Variants in GPKOW observed in about 807,000 individuals in gnomAD.
GPKOW encodes G-patch domain and KOW motifs-containing protein.
For missense variants in GPKOW, 359 were observed against 404.7 expected (o/e 0.89, Z 0.97); for synonymous variants, 167 against 159.1 (o/e 1.05, Z -0.37).
rs782650232 is a variant in GPKOW at position 49,122,783 on chromosome X, T to C, written c.177-7A>G. 9.1e-6 allele frequency: 11 copies of C among 1,202,342 alleles called. No homozygotes were observed. In the Admixed American group the frequency reaches 1.5e-4, roughly 17 times the overall value. Reference sequence around the variant, plus strand: ...GGCCTCCTGGGGCTTCACACTGATGTGGACACAGAGGGGTGGGGTTGGGAG... The same window carrying C: ...GGCCTCCTGGGGCTTCACACTGATGCGGACACAGAGGGGTGGGGTTGGGAG... On this transcript the variant is annotated splice_polypyrimidine_tract_variant and splice_region_variant and intron_variant, in intron 1 of 10. Coordinates refer to ENST00000156109, the MANE Select transcript of GPKOW (RefSeq NM_015698.6).
chrX:49,119,595 T>A (rs2065206432), intron 4 of GPKOW, 110 bp downstream of exon 4: 1 of 455,992 alleles, frequency 2.2e-6, no homozygotes, highest in Non-Finnish European at 3.8e-6. Flanking sequence ...GTTAGGGCGA[T>A]AATGTATCCT....
chrX:49,122,655 C>A lies in GPKOW; in HGVS notation c.298G>T (p.Val100Leu). The A allele has an allele frequency of 1.7e-6, 2 of 1,211,523 alleles. No individual in the cohort carries two copies. Among genetic ancestry groups the A allele is most frequent in the East Asian group, 5.9e-5 (2 of 33,872 alleles). The change falls in exon 2 of 11, where the codon GTG becomes TTG. Residue 100 changes from valine to leucine, a missense_variant. By Grantham distance (32) the Val-to-Leu change is conservative. Transcript: ENST00000156109. ...STDTGALADG[V>L]VSQAVKELIA... ...AGCTCCTTCACAGCCTGGGACACCA[C>A]CCCATCCGCCAAGGCCCCAGTATCT...
At chrX:49,122,132 C>G (rs148920873) in intron 3 of GPKOW, among the ~76,000 whole-genome samples, 220 of 112,456 alleles carry the variant, frequency 2.0e-3, no homozygotes, top group African/African-American at 6.3e-3. Flanking sequence ...TCCGCAAACA[C>G]TTTAGGCAGT....
At chrX:49,114,391 G>A (rs1269603506) in intron 9 of GPKOW, among the ~76,000 whole-genome samples, 3 of 107,262 alleles carry the variant, frequency 2.8e-5, no homozygotes, top group Non-Finnish European at 5.8e-5. Flanking sequence ...CACCCTCCTC[G>A]GTCTCCCAAA....
At chrX:49,122,600 A>G in intron 2 of GPKOW, 22 bp downstream of exon 2, 1 of 1,206,331 alleles carries the variant, frequency 8.3e-7, no homozygotes, top group Non-Finnish European at 1.1e-6. Flanking sequence ...TCAATGGGGA[A>G]GGGTAAAGGG....
chrX:49,114,790 T>C (rs1358343163), intron 9 of GPKOW, among the ~76,000 whole-genome samples: 4 of 105,143 alleles, frequency 3.8e-5, no homozygotes, highest in African/African-American at 1.4e-4. Context: ...CTGGGTGTGG[T>C]AGCGGGCACC....
In GPKOW at chrX:49,123,732, T is replaced by G; in HGVS notation, c.-10A>C. The G allele has an allele frequency of 1.7e-6, 2 of 1,192,135 alleles. No homozygotes were observed. The highest frequency in any genetic ancestry group is 2.3e-6 in the Non-Finnish European group (2 of 885,707). On this transcript the variant is annotated 5_prime_UTR_variant, in exon 1 of 11. Transcript: ENST00000156109. ...CTTTGGAGTCAGCCATCTTGCTCCTTTTCCCAGGCCGGCGCGCTGCTTGCT... is the reference window on the plus strand; with the variant it reads ...CTTTGGAGTCAGCCATCTTGCTCCTGTTCCCAGGCCGGCGCGCTGCTTGCT...
chrX:49,115,221 G>A (rs1411406210), intron 9 of GPKOW, among the ~76,000 whole-genome samples: 3 of 109,812 alleles, frequency 2.7e-5, no homozygotes, highest in East Asian at 2.9e-4. Context: ...TTGACAGACC[G>A]GAGGCCGAGC....
chrX:49,113,771 A>T lies in GPKOW; in HGVS notation c.1297-16T>A. The T allele has an allele frequency of 1.7e-6, 2 of 1,208,754 alleles. No individual in the cohort carries two copies. Among genetic ancestry groups the T allele is most frequent in the Non-Finnish European group, 2.2e-6 (2 of 893,750 alleles). On this transcript the variant is annotated splice_polypyrimidine_tract_variant and intron_variant, in intron 10 of 10. Transcript: ENST00000156109. ...AATGTCCCACCTGGAACAGAGGTGA[A>T]GTGGAATCAGCAAGGCAAGCCTAGA...
At chrX:49,121,744 C>T (rs1415030126) in intron 3 of GPKOW, among the ~76,000 whole-genome samples, 1 of 110,779 alleles carries the variant, frequency 9.0e-6, no homozygotes, top group Non-Finnish European at 1.9e-5. Context: ...TTTTCTACCA[C>T]TATGCCATTG....
chrX:49,114,315 T>G (rs12115881), intron 9 of GPKOW, among the ~76,000 whole-genome samples: 43,028 of 108,168 alleles, frequency 0.4, 8,465 homozygotes, highest in Middle Eastern at 0.66. Context: ...AATTTTGTAT[T>G]TTTAGTAGAG....
chrX:49,114,559 G>A (rs896049944), intron 9 of GPKOW, among the ~76,000 whole-genome samples: 9 of 100,907 alleles, frequency 8.9e-5, no homozygotes, highest in Admixed American at 2.2e-4. Flanking sequence ...GATCCATGAT[G>A]GTGCCACTGC....
intron 1 of GPKOW, 131 bp downstream of exon 1, chrX:49,123,416 C>G (rs2065220364): frequency 4.3e-6 from 3 of 693,217 alleles, no homozygotes. Flanking sequence ...GCCTTCTGGC[C>G]TCCACGAATT....
At chrX:49,119,368 G>A (rs901624499) in intron 4 of GPKOW, among the ~76,000 whole-genome samples, 4 of 110,942 alleles carry the variant, frequency 3.6e-5, no homozygotes, top group South Asian at 3.8e-4. Flanking sequence ...CTCAGTCTCC[G>A]AAAGTGCTGG....
intron 3 of GPKOW, among the ~76,000 whole-genome samples, 193 bp downstream of exon 3, chrX:49,122,205 T>C (rs974086008): frequency 7.1e-5 from 8 of 112,266 alleles, no homozygotes. Flanking sequence ...CAGATAATCC[T>C]AGGATTCAAG....
At chrX:49,122,584 C>T (rs782519594) in intron 2 of GPKOW, 38 bp downstream of exon 2, 1 of 1,207,235 alleles carries the variant, frequency 8.3e-7, no homozygotes. Flanking sequence ...TCTTCCTCTT[C>T]TTCCTTCAAT....
At chrX:49,116,557 C>T (rs1557090312) in intron 6 of GPKOW, among the ~76,000 whole-genome samples, 1 of 111,026 alleles carries the variant, frequency 9.0e-6, no homozygotes, top group Admixed American at 9.7e-5. Context: ...CAACCTAGCC[C>T]ACAACAACAA....
At chrX:49,114,922 C>T (rs1229480199) in intron 9 of GPKOW, among the ~76,000 whole-genome samples, 1 of 45,588 alleles carries the variant, frequency 2.2e-5, no homozygotes, top group Non-Finnish European at 3.5e-5. Context: ...GACTCTGTTT[C>T]AAAAAAAAAA....
At chrX:49,117,862 C>T (rs1271976798) in intron 4 of GPKOW, 52 bp from the exon 5 acceptor site, 2 of 772,187 alleles carry the variant, frequency 2.6e-6, no homozygotes, top group East Asian at 7.3e-5. Flanking sequence ...TCTTCAACAC[C>T]TTATTTACTT....
Sources: gnomAD v4.1 joint callset for allele counts (sites outside exome capture counted in the v4.1 genomes callset) on GRCh38, gnomAD v4.1.1 for gene constraint, MANE v1.5 for transcripts, NCBI Gene and HGNC (gene_info 2026-07-23, HGNC 2026-07-21) for gene names.